The following CDH12 variants were observed in gnomAD, a reference collection of about 807,000 sequenced individuals.
CDH12 encodes the protein cadherin 12.
A neutral mutation model predicts 74.1 loss-of-function variants in CDH12; 41 were observed. That is an observed-to-expected ratio of 0.55 (90% CI 0.43 to 0.72). The LOEUF is 0.72. Ranked by LOEUF, CDH12 falls within the 30% of genes least tolerant of loss-of-function variation. The pLI is 0.00. For missense variants in CDH12, 945 were observed against 977.2 expected (o/e 0.97, Z 0.44); for synonymous variants, 399 against 355.0 (o/e 1.12, Z -1.39).
chr5:22,736,019 T>A (rs72748721), intron 1 of CDH12, among the ~76,000 whole-genome samples: 34,806 of 151,772 alleles, frequency 0.23, 4,432 homozygotes, highest in South Asian at 0.31. Context: ...TGATTTTCTA[T>A]TATCTAACAA....
intron 1 of CDH12, among the ~76,000 whole-genome samples, chr5:22,735,472 C>A (rs1359457874): frequency 6.6e-6 from 1 of 151,786 alleles, no homozygotes; most frequent in Non-Finnish European, 1.5e-5. Flanking sequence ...TTAAAGTATA[C>A]TACATCCTAA....
At chr5:21,752,743 G>A (rs1744166961) in intron 14 of CDH12, among the ~76,000 whole-genome samples, 1 of 151,710 alleles carries the variant, frequency 6.6e-6, no homozygotes, top group South Asian at 2.1e-4. Flanking sequence ...AGAGGAAGTA[G>A]AGGAAGGAAG....
chr5:22,155,575 C>T (rs1747974136), intron 4 of CDH12, among the ~76,000 whole-genome samples: 2 of 151,978 alleles, frequency 1.3e-5, no homozygotes, highest in Admixed American at 6.6e-5. Flanking sequence ...GTAATTTTTT[C>T]TGGAATGATT....
chr5:21,913,144 G>A (rs1000446668), intron 6 of CDH12, among the ~76,000 whole-genome samples: 2 of 152,110 alleles, frequency 1.3e-5, no homozygotes, highest in Admixed American at 6.5e-5. Context: ...AGCCTGGTCA[G>A]GTTCTGGTTT....
chr5:22,171,114 G>C (rs1466321551), intron 4 of CDH12, among the ~76,000 whole-genome samples: 2 of 151,784 alleles, frequency 1.3e-5, no homozygotes, highest in African/African-American at 4.8e-5. Context: ...AACTTGCATG[G>C]TCCACTGAAC....
At chr5:22,244,621 GGGAA>G (rs1178353947) in intron 3 of CDH12, among the ~76,000 whole-genome samples, 1 of 138,012 alleles carries the variant, frequency 7.2e-6, no homozygotes, top group African/African-American at 2.7e-5. Flanking sequence ...GAAGGAGGGA[GGGAA>G]GGAAGGGAGG....
At chr5:22,099,078 C>T (rs1239811581) in intron 4 of CDH12, among the ~76,000 whole-genome samples, 2 of 152,126 alleles carry the variant, frequency 1.3e-5, no homozygotes, top group African/African-American at 2.4e-5. Flanking sequence ...CTTTACTCAA[C>T]ATGCCCCAAG....
At chr5:22,163,026 A>T (rs1748458069) in intron 4 of CDH12, among the ~76,000 whole-genome samples, 1 of 151,412 alleles carries the variant, frequency 6.6e-6, no homozygotes, top group Admixed American at 6.6e-5. Context: ...CCTCCTGAGT[A>T]GCTGGGATTA....
chr5:22,321,523 T>C (rs938467634), intron 3 of CDH12, among the ~76,000 whole-genome samples: 1 of 137,614 alleles, frequency 7.3e-6, no homozygotes, highest in Non-Finnish European at 1.5e-5. Context: ...AGGGATAGCA[T>C]TGGGAGATAT....
chr5:22,329,327 T>C lies in CDH12; in HGVS notation c.-333+75930A>G, dbSNP rs1172212075. Among the ~76,000 whole-genome samples the C allele has an allele frequency of 5.9e-5, 9 of 152,096 alleles. No homozygotes were observed. The South Asian group carries it at 1.7e-3, about 28-fold the overall frequency. ...GAGAAACCTCCTTTAAAAAGCTGGA[T>C]TGAGAAGGAAACAAGAAAGTAAAAA... is the stretch of plus-strand genomic sequence containing the variant. On this transcript the variant is annotated intron_variant, in intron 3 of 14. Coordinates refer to ENST00000382254, the MANE Select transcript of CDH12 (RefSeq NM_004061.5).
chr5:22,136,451 C>T (rs1013021057), intron 4 of CDH12, among the ~76,000 whole-genome samples: 7 of 151,922 alleles, frequency 4.6e-5, no homozygotes, highest in Admixed American at 1.3e-4. Flanking sequence ...CATGGGGTAG[C>T]GTGCATCAAA....
intron 2 of CDH12, among the ~76,000 whole-genome samples, chr5:22,423,206 T>TAAAA (rs58915238): frequency 2.1e-4 from 25 of 121,430 alleles, no homozygotes; most frequent in Non-Finnish European, 3.8e-4. Context: ...GTAAACACAG[T>TAAAA]AAAAAAAAAA....
chr5:22,190,790 T>TA (rs1459450234), intron 4 of CDH12, among the ~76,000 whole-genome samples: 2 of 152,274 alleles, frequency 1.3e-5, no homozygotes, highest in Middle Eastern at 6.8e-3. Flanking sequence ...TGACTTCAAT[T>TA]AATCTTCTCA....
chr5:21,887,922 T>C lies in CDH12; in HGVS notation c.527-33132A>G, dbSNP rs201647262. On this transcript the variant is annotated intron_variant, in intron 6 of 14. Coordinates refer to ENST00000382254, the MANE Select transcript of CDH12 (RefSeq NM_004061.5). ...TTGCCCCAATACTGTATTTTTTTTT[T>C]CCCCTTAGTTCCAGGTTTTCTTTCA... Among the ~76,000 whole-genome samples the C allele has an allele frequency of 6.4e-3, 902 of 141,202 alleles. 7 individuals are homozygous for C. Among genetic ancestry groups the C allele is most frequent in the Non-Finnish European group, 9.7e-3 (610 of 62,948 alleles). The allele number at this position is 141,202 out of a possible 152,430, so 92.6% of individuals were successfully genotyped here. A position where few individuals can be genotyped will look rare whatever the true frequency, so the allele number is the denominator to read the frequency against.
At chr5:22,522,995 G>A (rs1010820877) in intron 1 of CDH12, among the ~76,000 whole-genome samples, 3 of 152,044 alleles carry the variant, frequency 2.0e-5, no homozygotes, top group African/African-American at 4.8e-5. Flanking sequence ...TCATGCACAC[G>A]ATCCTCTGCC....
intron 3 of CDH12, among the ~76,000 whole-genome samples, chr5:22,259,006 A>G (rs1218949107): frequency 6.6e-6 from 1 of 152,070 alleles, no homozygotes; most frequent in Non-Finnish European, 1.5e-5. Context: ...GTGCCATTGC[A>G]TTTATTTAAT....
At chr5:22,628,532 TA>T (rs1561538670) in intron 1 of CDH12, among the ~76,000 whole-genome samples, 1 of 152,062 alleles carries the variant, frequency 6.6e-6, no homozygotes, top group Non-Finnish European at 1.5e-5. Flanking sequence ...CAGTAATGAA[TA>T]AGTTCTTTGA....
At position 22,733,921 on chromosome 5, in the gene CDH12, T is replaced by C. The variant is rs549631399; in HGVS notation, c.-523+119137A>G. On this transcript the variant is annotated intron_variant, in intron 1 of 14. Transcript: ENST00000382254. ...ATAGAGAGTCTGCCCAGACTTACAG[T>C]TGTGAAGACTGGGGAAGTGTTGGGA... 8.6e-5 allele frequency among the ~76,000 whole-genome samples: 13 copies of C among 151,970 alleles called. No individual in the cohort carries two copies. The East Asian group carries it at 2.5e-3, about 30-fold the overall frequency.
intron 1 of CDH12, among the ~76,000 whole-genome samples, chr5:22,787,458 T>C (rs770198901): frequency 3.6e-4 from 55 of 152,148 alleles, no homozygotes; most frequent in Admixed American, 2.0e-3. Flanking sequence ...TTCCCTTTTA[T>C]GAATTTTTGT....
Sources: gnomAD v4.1 joint callset for allele counts (sites outside exome capture counted in the v4.1 genomes callset) on GRCh38, gnomAD v4.1.1 for gene constraint, MANE v1.5 for transcripts, NCBI Gene and HGNC (gene_info 2026-07-23, HGNC 2026-07-21) for gene names.